The following SEMA3A variants were observed in gnomAD, a reference collection of about 807,000 sequenced individuals.
SEMA3A encodes the protein semaphorin-3A.
A neutral mutation model predicts 97.9 loss-of-function variants in SEMA3A; 29 were observed. That is an observed-to-expected ratio of 0.30 (90% CI 0.22 to 0.40). SEMA3A has a LOEUF of 0.40. Among genes scored for constraint, SEMA3A ranks in the 10% least tolerant of loss-of-function variants. SEMA3A has a pLI of 1.00. For missense variants in SEMA3A, 763 were observed against 951.3 expected, an observed-to-expected ratio of 0.80 and a Z score of 2.60; for synonymous variants, 321 against 323.7, an observed-to-expected ratio of 0.99 and a Z score of 0.09.
chr7:84,051,218 TTAAAG>T (rs1792629203), intron 5 of SEMA3A, among the ~76,000 whole-genome samples: 1 of 151,290 alleles, frequency 6.6e-6, no homozygotes, highest in Non-Finnish European at 1.5e-5. Context: ...CATATGAACT[TTAAAG>T]TAGTTTTTTC....
Position 84,325,382 on chromosome 7 carries a change from G to A in SEMA3A, c.-168-18090C>T, listed in dbSNP as rs75338153. Among the ~76,000 whole-genome samples the A allele has an allele frequency of 8.3e-3, 1,266 of 152,134 alleles. 51 individuals are homozygous for A. The East Asian group carries it at 0.12, about 14-fold the overall frequency. On this transcript the variant is annotated intron_variant, in intron 2 of 3. Transcript: ENST00000424555. The stretch of plus-strand genomic sequence containing the variant: ...GTGATGAGTGGTGCTGTTTTAGATC[G>A]GAAGGTCAGGGAGAACTTCTCTGGA...
chr7:83,997,528 AAT>A (rs1554389689), intron 12 of SEMA3A, among the ~76,000 whole-genome samples: 1 of 152,188 alleles, frequency 6.6e-6, no homozygotes, highest in Non-Finnish European at 1.5e-5. Context: ...ACTCTGCCCA[AAT>A]ATGTTTTGTC....
intron 4 of SEMA3A, among the ~76,000 whole-genome samples, chr7:84,097,664 C>T (rs946085413): frequency 6.0e-4 from 92 of 152,146 alleles, no homozygotes; most frequent in African/African-American, 2.1e-3. Context: ...GGTTTGATTT[C>T]TGATAATTTG....
rs67227861 is a variant in SEMA3A, at chr7:84,194,421, A to AGGG, written c.112+51_112+53dup. 149 of 1,138,556 alleles carry AGGG rather than the reference A, an allele frequency of 1.3e-4. No individual in the cohort carries two copies. The African/African-American group carries it at 2.1e-3, about 16-fold the overall frequency. The allele number at this position is 1,138,556 out of a possible 1,614,324, so 70.5% of individuals were successfully genotyped here. The stretch of plus-strand genomic sequence containing the variant: ...GGTTGGGAGGGAGTTCAAGGAATTA[A>AGGG]GGGGGGGGGCGGTTATTACAAAGCT... On this transcript the variant is annotated intron_variant, in intron 1 of 16. Coordinates refer to ENST00000265362, the MANE Select transcript of SEMA3A (RefSeq NM_006080.3).
At chr7:84,073,469 A>G (rs756677225) in intron 4 of SEMA3A, among the ~76,000 whole-genome samples, 6 of 152,214 alleles carry the variant, frequency 3.9e-5, no homozygotes, top group Non-Finnish European at 7.3e-5. Context: ...ACATACATAT[A>G]TTAAAAGATG....
Position 83,957,398 on chromosome 7 carries a change from G to A in SEMA3A, c.*3973C>T, listed in dbSNP as rs797823. On this transcript the variant is annotated 3_prime_UTR_variant, in exon 17 of 17. Coordinates refer to ENST00000265362, the MANE Select transcript of SEMA3A (RefSeq NM_006080.3). ...ATCTATCAGTGGAATTTACTTGAACGTGTAGGAAGCTGGTTCTAAAAGGCA... is the reference window on the plus strand; with the variant it reads ...ATCTATCAGTGGAATTTACTTGAACATGTAGGAAGCTGGTTCTAAAAGGCA... 0.8 allele frequency: 121,539 copies of A among 152,112 alleles called. 49,371 individuals carry two copies. Among genetic ancestry groups the A allele is most frequent in the African/African-American group, 0.95 (39,321 of 41,556 alleles). 9.4% of individuals were successfully genotyped at this position (152,112 alleles called of 1,614,324 possible).
chr7:83,993,448 TGGTA>T, intron 12 of SEMA3A, among the ~76,000 whole-genome samples: 1 of 151,828 alleles, frequency 6.6e-6, no homozygotes, highest in East Asian at 1.9e-4. Flanking sequence ...TTGCAGTGGC[TGGTA>T]CCGGTTTTTC....
intron 1 of SEMA3A, among the ~76,000 whole-genome samples, chr7:84,401,458 A>G (rs73386971): frequency 2.0e-5 from 3 of 151,442 alleles, no homozygotes; most frequent in African/African-American, 4.9e-5. Context: ...TGAAATCTCT[A>G]CCAAAATACC....
At chr7:84,134,712 C>T (rs1796068638) in intron 2 of SEMA3A, 82 bp downstream of exon 2, 2 of 1,089,840 alleles carry the variant, frequency 1.8e-6, no homozygotes, top group Admixed American at 2.9e-5. Context: ...TGTCAGTAAT[C>T]ATGCTTTTAA....
intron 4 of SEMA3A, among the ~76,000 whole-genome samples, chr7:84,097,489 T>C (rs930482617): frequency 1.3e-5 from 2 of 152,104 alleles, no homozygotes; most frequent in African/African-American, 4.8e-5. Flanking sequence ...AGGCATACAA[T>C]GAATCAGTGG....
intron 4 of SEMA3A, among the ~76,000 whole-genome samples, chr7:84,095,863 T>C (rs1350472961): frequency 6.6e-6 from 1 of 151,740 alleles, no homozygotes; most frequent in African/African-American, 2.4e-5. Context: ...TCCTAAAGTA[T>C]TGAAACAATA....
rs1225062868 is a variant in SEMA3A, at chr7:84,119,675, A to T, written c.334-9086T>A. ...AAATACAAAATATGATGGACAGTGT[A>T]CTCTCAGAAATGAGTAGAAATCCAC... On this transcript the variant is annotated intron_variant, in intron 3 of 16. Transcript: ENST00000265362. Among the ~76,000 whole-genome samples, 3 of 152,172 alleles carry T rather than the reference A, an allele frequency of 2.0e-5. No individual in the cohort carries two copies. In the South Asian group the frequency reaches 6.2e-4, roughly 31 times the overall value.
intron 1 of SEMA3A, among the ~76,000 whole-genome samples, chr7:84,189,984 T>C (rs1476396615): frequency 6.6e-6 from 1 of 151,728 alleles, no homozygotes; most frequent in Non-Finnish European, 1.5e-5. Context: ...ATCAGTCACA[T>C]GAAGAGAAAA....
intron 3 of SEMA3A, among the ~76,000 whole-genome samples, chr7:84,261,846 C>T (rs1395735559): frequency 6.6e-6 from 1 of 152,240 alleles, no homozygotes; most frequent in Non-Finnish European, 1.5e-5. Context: ...AAAGGTGCCA[C>T]CAGTCACAGA....
chr7:84,189,639 A>T (rs1302633218), intron 1 of SEMA3A, among the ~76,000 whole-genome samples: 1 of 151,698 alleles, frequency 6.6e-6, no homozygotes, highest in Non-Finnish European at 1.5e-5. Flanking sequence ...TGAAAACATG[A>T]TAGAAAATTT....
intron 1 of SEMA3A, among the ~76,000 whole-genome samples, chr7:84,424,818 A>G (rs1314899721): frequency 9.9e-6 from 1 of 101,212 alleles, no homozygotes; most frequent in Non-Finnish European, 1.7e-5. Context: ...ATACATATAT[A>G]ATATAATGAT....
At chr7:84,123,707 TTA>T (rs1795702219) in intron 3 of SEMA3A, among the ~76,000 whole-genome samples, 1 of 148,514 alleles carries the variant, frequency 6.7e-6, no homozygotes, top group Non-Finnish European at 1.5e-5. Context: ...AACATATATT[TTA>T]TATATATCAG....
chr7:84,106,737 A>G (rs1244396565), intron 4 of SEMA3A, among the ~76,000 whole-genome samples: 1 of 152,166 alleles, frequency 6.6e-6, no homozygotes, highest in Non-Finnish European at 1.5e-5. Flanking sequence ...ATTCTGCCAT[A>G]TATGATGATA....
chr7:84,164,777 A>G (rs538782294), intron 1 of SEMA3A, among the ~76,000 whole-genome samples: 1 of 152,304 alleles, frequency 6.6e-6, no homozygotes, highest in East Asian at 1.9e-4. Context: ...GAAACAATGA[A>G]TCAGAAAATA....
Sources: gnomAD v4.1 joint callset for allele counts (sites outside exome capture counted in the v4.1 genomes callset) on GRCh38, gnomAD v4.1.1 for gene constraint, MANE v1.5 for transcripts, NCBI Gene and HGNC (gene_info 2026-07-23, HGNC 2026-07-21) for gene names.